Variants in NHLRC2 observed in about 807,000 individuals in gnomAD.
The protein encoded by NHLRC2 is NHL repeat containing 2.
Under a neutral mutation model 68.1 loss-of-function variants are expected in NHLRC2, and 33 were observed. The ratio of observed to expected loss-of-function variants is 0.48; its 90% CI spans 0.37 to 0.65. The LOEUF is 0.65. NHLRC2 is among the 30% of genes least tolerant of loss of function. The pLI is 0.00. For missense variants in NHLRC2, 761 were observed against 853.8 expected (o/e 0.89, Z 1.35); for synonymous variants, 311 against 309.6 (o/e 1.00, Z -0.05).
At chr10:113,866,756 G>A (rs577246322) in intron 2 of NHLRC2, among the ~76,000 whole-genome samples, 35 of 151,160 alleles carry the variant, frequency 2.3e-4, no homozygotes, top group South Asian at 6.3e-4. Context: ...CTCCACCCCC[G>A]GCTCCTTCAC....
chr10:113,862,315 G>A (rs1014914379), intron 2 of NHLRC2, among the ~76,000 whole-genome samples: 2 of 152,070 alleles, frequency 1.3e-5, no homozygotes, highest in African/African-American at 4.8e-5. Flanking sequence ...AAGGAGCAGA[G>A]TTTTTGTGTG....
intron 2 of NHLRC2, among the ~76,000 whole-genome samples, chr10:113,875,911 A>G (rs1482944660): frequency 1.4e-5 from 2 of 144,306 alleles, no homozygotes; most frequent in African/African-American, 5.2e-5. Flanking sequence ...CCAGCCAAAC[A>G]CTTTTTTTTT....
intron 1 of NHLRC2, among the ~76,000 whole-genome samples, chr10:113,855,406 G>C (rs1391436562): frequency 3.3e-5 from 5 of 152,126 alleles, no homozygotes. Context: ...AGTGTCTTCT[G>C]GTCATCTTTC....
At position 113,914,176 on chromosome 10, in the gene NHLRC2, T is replaced by G. The variant is rs902746545; in HGVS notation, c.*5640T>G. The G allele has an allele frequency of 5.4e-5, 8 of 147,766 alleles. No homozygotes were observed. In the Admixed American group the frequency reaches 5.5e-4, roughly 10 times the overall value. The allele number at this position is 147,766 out of a possible 1,614,324, so 9.2% of individuals were successfully genotyped here. A position where few individuals can be genotyped will look rare whatever the true frequency, so the allele number is the denominator to read the frequency against. On this transcript the variant is annotated 3_prime_UTR_variant, in exon 11 of 11. Transcript: ENST00000369301. Reference sequence around the variant, plus strand: ...TAGCATTAGGTACTTTGTTTTGTTTTGTTTTGTTTTTGTTTTTTTTGAGAT... The same window carrying G: ...TAGCATTAGGTACTTTGTTTTGTTTGGTTTTGTTTTTGTTTTTTTTGAGAT...
chr10:113,904,102 T>G (rs949904817), intron 9 of NHLRC2, among the ~76,000 whole-genome samples: 9 of 151,350 alleles, frequency 5.9e-5, no homozygotes, highest in African/African-American at 2.2e-4. Flanking sequence ...GTTTTTGTTT[T>G]TTTTTTTTTT....
chr10:113,908,763 G>T lies in NHLRC2; in HGVS notation c.*227G>T. The stretch of plus-strand genomic sequence containing the variant: ...ACTAGCTGAGTCATTGATCATCATT[G>T]GTACCATGATATTGTAATCTATGCT... On this transcript the variant is annotated 3_prime_UTR_variant, in exon 11 of 11. Coordinates refer to ENST00000369301, the MANE Select transcript of NHLRC2 (RefSeq NM_198514.4). 1.8e-6 allele frequency: 1 copy of T among 544,398 alleles called. No individual in the cohort carries two copies. The highest frequency in any genetic ancestry group is 3.3e-6 in the Non-Finnish European group (1 of 305,308). 33.7% of individuals were successfully genotyped at this position (544,398 alleles called of 1,614,324 possible). A position where few individuals can be genotyped will look rare whatever the true frequency, so the allele number is the denominator to read the frequency against.
Position 113,909,040 on chromosome 10 carries a change from A to T in NHLRC2, c.*504A>T, listed in dbSNP as rs889185153. 1 of 155,296 alleles carries T rather than the reference A, an allele frequency of 6.4e-6. No homozygotes were observed. The allele number at this position is 155,296 out of a possible 1,614,324, so 9.6% of individuals were successfully genotyped here. On this transcript the variant is annotated 3_prime_UTR_variant, in exon 11 of 11. Coordinates refer to ENST00000369301, the MANE Select transcript of NHLRC2 (RefSeq NM_198514.4). ...TTGTAAGCCAAAAAAAAGTCTTTTCATCACTGTAGAAGCTTAAGGAGTACA... is the reference window on the plus strand; with the variant it reads ...TTGTAAGCCAAAAAAAAGTCTTTTCTTCACTGTAGAAGCTTAAGGAGTACA...
chr10:113,872,255 C>G (rs925620590), intron 2 of NHLRC2, among the ~76,000 whole-genome samples: 1 of 152,026 alleles, frequency 6.6e-6, no homozygotes, highest in East Asian at 1.9e-4. Flanking sequence ...AGGTAAGGTT[C>G]TAATGGAAAC....
chr10:113,871,417 T>C (rs767611592), intron 2 of NHLRC2, among the ~76,000 whole-genome samples: 26 of 152,222 alleles, frequency 1.7e-4, no homozygotes, highest in Non-Finnish European at 2.8e-4. Flanking sequence ...TTTTCAGTCT[T>C]ATGCCTCTAA....
At chr10:113,898,984 A>G (rs1013748346) in intron 6 of NHLRC2, among the ~76,000 whole-genome samples, 3 of 152,140 alleles carry the variant, frequency 2.0e-5, no homozygotes, top group Non-Finnish European at 4.4e-5. Flanking sequence ...AAAGTTTCTC[A>G]TATTTTTTTT....
rs376342633 is a variant in NHLRC2 at position 113,889,404 on chromosome 10, T to C, written c.1039+5024T>C. 2.3e-3 allele frequency among the ~76,000 whole-genome samples: 357 copies of C among 152,268 alleles called. 1 individual carries two copies. The highest frequency in any genetic ancestry group is 7.8e-3 in the African/African-American group (325 of 41,554). Reference sequence around the variant, plus strand: ...GATATAAAATACCATGAAAATATTTTTGCTTTAAAAAAATCAGATGACACG... The same window carrying C: ...GATATAAAATACCATGAAAATATTTCTGCTTTAAAAAAATCAGATGACACG... On this transcript the variant is annotated intron_variant, in intron 5 of 10. Coordinates refer to ENST00000369301, the MANE Select transcript of NHLRC2 (RefSeq NM_198514.4).
chr10:113,888,333 A>G (rs934764220), intron 5 of NHLRC2, among the ~76,000 whole-genome samples: 9 of 152,226 alleles, frequency 5.9e-5, no homozygotes, highest in Non-Finnish European at 1.0e-4. Flanking sequence ...ACAGAAAAAA[A>G]TGTTGGTATA....
chr10:113,872,568 GA>G lies in NHLRC2; in HGVS notation c.332-3950del, dbSNP rs568926563. Among the ~76,000 whole-genome samples, 37 of 151,668 alleles carry G rather than the reference GA, an allele frequency of 2.4e-4. No individual in the cohort carries two copies. The South Asian group carries it at 7.3e-3, about 30-fold the overall frequency. On this transcript the variant is annotated intron_variant, in intron 2 of 10. Coordinates refer to ENST00000369301, the MANE Select transcript of NHLRC2 (RefSeq NM_198514.4). The stretch of plus-strand genomic sequence containing the variant: ...AATGAAAAAAAAACAGCTTGAATCA[GA>G]AATTTCAAAATAAGAAATGGACAAA...
intron 10 of NHLRC2, among the ~76,000 whole-genome samples, chr10:113,907,636 C>T (rs1203628224): frequency 6.6e-6 from 1 of 152,014 alleles, no homozygotes; most frequent in African/African-American, 2.4e-5. Context: ...TATAGATAGT[C>T]TGTTTATTTC....
intron 2 of NHLRC2, among the ~76,000 whole-genome samples, chr10:113,862,159 A>G (rs1331307219): frequency 2.0e-5 from 3 of 152,102 alleles, no homozygotes; most frequent in East Asian, 1.9e-4. Flanking sequence ...GATTAACGCC[A>G]TGAGCCACCG....
At chr10:113,881,147 C>T (rs1215946612) in intron 4 of NHLRC2, among the ~76,000 whole-genome samples, 3 of 151,866 alleles carry the variant, frequency 2.0e-5, no homozygotes, top group Non-Finnish European at 3.0e-5. Context: ...GTCTATAATT[C>T]GTCAGAGGGG....
intron 5 of NHLRC2, among the ~76,000 whole-genome samples, chr10:113,891,494 C>A (rs6585251): frequency 0.27 from 41,519 of 152,068 alleles, 5,881 homozygotes; most frequent in East Asian, 0.41. Flanking sequence ...AAGATTGAGT[C>A]AATTTGGTCA....
chr10:113,914,518 A>G lies in NHLRC2; in HGVS notation c.*5982A>G, dbSNP rs752306575. ...AGCAAAATGCTACGTACCAATGATTATGATTCATGATCACCTAAACACAGA... is the reference window on the plus strand; with the variant it reads ...AGCAAAATGCTACGTACCAATGATTGTGATTCATGATCACCTAAACACAGA... On this transcript the variant is annotated 3_prime_UTR_variant, in exon 11 of 11. Coordinates refer to ENST00000369301, the MANE Select transcript of NHLRC2 (RefSeq NM_198514.4). 1 of 170,974 alleles carries G rather than the reference A, an allele frequency of 5.8e-6. No individual in the cohort carries two copies. Among genetic ancestry groups the G allele is most frequent in the Non-Finnish European group, 1.3e-5 (1 of 79,954 alleles). 10.6% of individuals were successfully genotyped at this position (170,974 alleles called of 1,614,324 possible). A position where few individuals can be genotyped will look rare whatever the true frequency, so the allele number is the denominator to read the frequency against.
chr10:113,855,248 C>T (rs1209008079), intron 1 of NHLRC2, among the ~76,000 whole-genome samples, 198 bp downstream of exon 1: 1 of 152,252 alleles, frequency 6.6e-6, no homozygotes, highest in African/African-American at 2.4e-5. Context: ...GGGGGTTTCC[C>T]TGGCACGGGG....
Sources: allele counts gnomAD v4.1 joint callset (sites outside exome capture counted in the v4.1 genomes callset), GRCh38; gene constraint gnomAD v4.1.1; transcripts MANE v1.5; gene names NCBI Gene and HGNC (gene_info 2026-07-23, HGNC 2026-07-21).